The following HDAC7 variants were observed in gnomAD, a reference collection of about 807,000 sequenced individuals.
HDAC7 encodes the protein histone deacetylase 7.
Under a neutral mutation model 115.5 loss-of-function variants are expected in HDAC7, and 26 were observed. The observed-to-expected ratio is 0.23, with a 90% confidence interval of 0.16 to 0.31. The LOEUF is 0.31. HDAC7 is among the 10% of genes least tolerant of loss of function. HDAC7 has a pLI of 1.00. For missense variants in HDAC7, 1,068 were observed against 1,329.0 expected (o/e 0.80, Z 3.05); for synonymous variants, 564 against 550.9 (o/e 1.02, Z -0.33).
At chr12:47,808,263 T>G (rs739842) in intron 1 of HDAC7, among the ~76,000 whole-genome samples, 1 of 152,002 alleles carries the variant, frequency 6.6e-6, no homozygotes, top group Non-Finnish European at 1.5e-5. Flanking sequence ...GAATCCCACA[T>G]GCGGCTGTTG....
At position 47,793,048 on chromosome 12, in the gene HDAC7, C is replaced by G. The variant is rs1943612898; in HGVS notation, c.1678+321G>C. ...AAAATGTCTAAAATACTTCTGAGCT[C>G]TTTTTACAAGCAGAGCAACAGTAAT... is the stretch of plus-strand genomic sequence containing the variant. On this transcript the variant is annotated intron_variant, in intron 13 of 25. Transcript: ENST00000080059. This position sits in a 1 kb window ranked among gnomAD's most constrained non-coding sequence, Gnocchi z 4.5. 3.0e-6 allele frequency: 1 copy of G among 331,888 alleles called. No homozygotes were observed. The highest frequency in any genetic ancestry group is 2.1e-5 in the African/African-American group (1 of 47,328). 20.6% of individuals were successfully genotyped at this position (331,888 alleles called of 1,614,324 possible). A position where few individuals can be genotyped will look rare whatever the true frequency, so the allele number is the denominator to read the frequency against.
intron 1 of HDAC7, among the ~76,000 whole-genome samples, chr12:47,804,704 T>TG (rs1403531785): frequency 6.6e-6 from 1 of 152,158 alleles, no homozygotes; most frequent in East Asian, 1.9e-4. Flanking sequence ...CTGGGGCATG[T>TG]GGGCCTACCA....
intron 1 of HDAC7, 116 bp from the exon 2 acceptor site, chr12:47,802,390 A>C: frequency 6.5e-7 from 1 of 1,536,788 alleles, no homozygotes; most frequent in Non-Finnish European, 8.8e-7. Flanking sequence ...AGCACGCCAA[A>C]GCCTGGGACC....
At chr12:47,815,041 T>G (rs1944813946) in intron 1 of HDAC7, among the ~76,000 whole-genome samples, 1 of 152,228 alleles carries the variant, frequency 6.6e-6, no homozygotes, top group Non-Finnish European at 1.5e-5. Flanking sequence ...GTTCACTGCA[T>G]ATCTGTACCC....
In HDAC7 at chr12:47,796,245, C is replaced by A; in HGVS notation, c.757G>T (p.Asp253Tyr). The change falls in exon 8 of 26, where the codon GAC becomes TAC. Residue 253 changes from aspartate to tyrosine, a missense_variant. Transcript: ENST00000080059. ...ATGGGATTGGGGCCGTGCTCGCTGT[C>A]ATTGGGGGAGCTGCACCCTGATGCG... Reference protein sequence around the residue: ...TPASGCSSPNDSEHGPNPILG... With the variant: ...TPASGCSSPNYSEHGPNPILG... 1 of 1,603,192 alleles carries A rather than the reference C, an allele frequency of 6.2e-7. No individual in the cohort carries two copies. Among genetic ancestry groups the A allele is most frequent in the Non-Finnish European group, 8.5e-7 (1 of 1,177,234 alleles).
At chr12:47,784,896 T>A in intron 24 of HDAC7, 1 of 841,154 alleles carries the variant, frequency 1.2e-6, no homozygotes, top group Non-Finnish European at 1.9e-6. Flanking sequence ...TACTCATTTT[T>A]ATCCCTAGTA....
chr12:47,805,048 C>T (rs1338338776), intron 1 of HDAC7, among the ~76,000 whole-genome samples: 1 of 151,830 alleles, frequency 6.6e-6, no homozygotes, highest in East Asian at 1.9e-4. Context: ...CGCCCCCCTC[C>T]CGATGCCTCC....
Position 47,795,150 on chromosome 12 carries a change from T to C in HDAC7, c.1284+34A>G. ...GGCCCCTAAGTCCCCAGTTAAACAC[T>C]CCCTCAATACCTCCACTGCCCAATT... On this transcript the variant is annotated intron_variant, in intron 11 of 25. Coordinates refer to ENST00000080059, the MANE Select transcript of HDAC7 (RefSeq NM_015401.5). This position sits in a 1 kb window ranked among gnomAD's most constrained non-coding sequence, Gnocchi z 4.3. 1 of 1,554,350 alleles carries C rather than the reference T, an allele frequency of 6.4e-7. No individual in the cohort carries two copies. The highest frequency in any genetic ancestry group is 8.8e-7 in the Non-Finnish European group (1 of 1,133,538).
intron 20 of HDAC7, 38 bp from the exon 21 acceptor site, chr12:47,787,847 G>C (rs1943255018): frequency 6.3e-7 from 1 of 1,583,890 alleles, no homozygotes; most frequent in Non-Finnish European, 8.6e-7. Context: ...GAGGACAGCA[G>C]AGTCCCAGAA....
intron 1 of HDAC7, among the ~76,000 whole-genome samples, chr12:47,810,521 C>T (rs970260760): frequency 3.3e-5 from 5 of 152,210 alleles, no homozygotes; most frequent in African/African-American, 1.2e-4. Flanking sequence ...GTGTTCCACC[C>T]CTGCCATCCT....
chr12:47,791,086 C>T (rs1373641534), intron 16 of HDAC7, 173 bp downstream of exon 16: 32 of 669,616 alleles, frequency 4.8e-5, no homozygotes, highest in Non-Finnish European at 7.2e-5. Flanking sequence ...CCGAGACACG[C>T]CTGTCCAAAA....
rs1943910161 is a variant in HDAC7 at position 47,797,326 on chromosome 12, T to C, written c.577+58A>G. The C allele has an allele frequency of 6.2e-6, 6 of 962,370 alleles. No homozygotes were observed. The highest frequency in any genetic ancestry group is 1.9e-5 in the Admixed American group (1 of 52,114). The allele number at this position is 962,370 out of a possible 1,614,324, so 59.6% of individuals were successfully genotyped here. On this transcript the variant is annotated intron_variant, in intron 6 of 25. Transcript: ENST00000080059. This position sits in a 1 kb window ranked among gnomAD's most constrained non-coding sequence, Gnocchi z 5.5. The stretch of plus-strand genomic sequence containing the variant: ...CCCACCCCTGCACACTCCTCCCCCA[T>C]GTCCGAGGCCCTTCCCCCTTCCTTT...
At position 47,793,419 on chromosome 12, in the gene HDAC7, C is replaced by T. The variant is rs201969226; in HGVS notation, c.1628G>A (p.Arg543Gln). 1,064 of 1,561,760 alleles carry T rather than the reference C, an allele frequency of 6.8e-4. No individual in the cohort carries two copies. The highest frequency in any genetic ancestry group is 8.5e-4 in the Non-Finnish European group (977 of 1,153,062). Residue 543 changes from arginine to glutamine, a missense_variant, in exon 13 of 26, where the codon CGA becomes CAA. This residue lies in a region of HDAC7 where 618 missense variants were observed against 701.5 expected (regional missense o/e 0.88). Coordinates refer to ENST00000080059, the MANE Select transcript of HDAC7 (RefSeq NM_015401.5). This position sits in a 1 kb window ranked among gnomAD's most constrained non-coding sequence, Gnocchi z 4.5. The stretch of plus-strand genomic sequence containing the variant: ...AGGGGTCTCTGAGCTGGAGAGGACT[C>T]GGGCCTGGCTGGCAGGCTCTGGGGC... ...LSAPEPASQA[R>Q]VLSSSETPAR...
At chr12:47,789,986 G>T in intron 16 of HDAC7, 66 bp from the exon 17 acceptor site, 1 of 1,266,070 alleles carries the variant, frequency 7.9e-7, no homozygotes, top group African/African-American at 1.5e-5. Flanking sequence ...GCCCAAGGGG[G>T]TGGTCCCCAC....
At chr12:47,815,196 GGCA>G (rs1944818366) in intron 1 of HDAC7, among the ~76,000 whole-genome samples, 1 of 152,196 alleles carries the variant, frequency 6.6e-6, no homozygotes, top group Admixed American at 6.5e-5. Context: ...CCAAAAAGGA[GGCA>G]GCAGAATGTA....
At chr12:47,792,349 G>C (rs1943577310) in intron 13 of HDAC7, 1 of 396,018 alleles carries the variant, frequency 2.5e-6, no homozygotes, top group African/African-American at 2.0e-5. Flanking sequence ...CAAGTGCTCA[G>C]AGCAAAGCAT....
chr12:47,795,650 G>A lies in HDAC7; in HGVS notation c.1024C>T (p.Pro342Ser), dbSNP rs1337960436. The change falls in exon 10 of 26, where the codon CCC (proline) becomes TCC (serine). Residue 342 changes from proline (P) to serine (S), a missense_variant. By Grantham distance (74) the Pro-to-Ser change is moderately conservative (BLOSUM62 -1). This residue lies in a region of HDAC7 where 618 missense variants were observed against 701.5 expected (regional missense o/e 0.88). Transcript: ENST00000080059. This position sits in a 1 kb window ranked among gnomAD's most constrained non-coding sequence, Gnocchi z 4.3. ...AGGAGAATGGGCTGCAGGCGAGAGGGCAAGGTGCCCCCAGCCTCGGGCTCC... is the reference window on the plus strand; with the variant it reads ...AGGAGAATGGGCTGCAGGCGAGAGGACAAGGTGCCCCCAGCCTCGGGCTCC... The part of the protein sequence containing the change: ...GLEPEAGGTL[P>S]SRLQPILLLD... 3 of 1,554,776 alleles carry A rather than the reference G, an allele frequency of 1.9e-6. No individual in the cohort carries two copies. The highest frequency in any genetic ancestry group is 1.2e-5 in the South Asian group (1 of 84,266).
At position 47,794,923 on chromosome 12, in the gene HDAC7, T is replaced by G; in HGVS notation, c.1295A>C (p.Lys432Thr). 1 of 1,612,030 alleles carries G rather than the reference T, an allele frequency of 6.2e-7. No homozygotes were observed. The highest frequency in any genetic ancestry group is 8.5e-7 in the Non-Finnish European group (1 of 1,179,478). ...CCGCAGCCGGGGCTTCTCACTCGGC[T>G]TGGCTGACCTCTGGGGAGGGGAGAA... ...THVQVIKRSA[K>T]PSEKPRLRQI... Residue 432 changes from lysine to threonine, a missense_variant, in exon 12 of 26, where the codon AAG (lysine) becomes ACG (threonine). This residue lies in a region of HDAC7 where 618 missense variants were observed against 701.5 expected (regional missense o/e 0.88). Transcript: ENST00000080059.
chr12:47,819,646 T>C, intron 1 of HDAC7, 121 bp downstream of exon 1: 1 of 164,420 alleles, frequency 6.1e-6, no homozygotes, highest in Middle Eastern at 2.9e-3. Flanking sequence ...CCCGCGGGGC[T>C]GGCGGGAGCC....
Sources: gnomAD v4.1 joint callset for allele counts (sites outside exome capture counted in the v4.1 genomes callset) on GRCh38, gnomAD v4.1.1 for gene constraint, gnomAD v4.1.1 regional missense constraint, Gnocchi (gnomAD v3.1) non-coding constraint, MANE v1.5 for transcripts, NCBI Gene and HGNC (gene_info 2026-07-23, HGNC 2026-07-21) for gene names.